The following ATP8B1 variants were observed in gnomAD, a reference collection of about 807,000 sequenced individuals.
ATP8B1 encodes the protein phospholipid-transporting ATPase IC.
Under a neutral mutation model 149.9 loss-of-function variants are expected in ATP8B1, and 80 were observed. The ratio of observed to expected loss-of-function variants is 0.53; its 90% CI spans 0.45 to 0.64. The LOEUF (loss-of-function observed/expected upper bound fraction) is 0.64. Among genes scored for constraint, ATP8B1 ranks in the 30% least tolerant of loss-of-function variants. The probability of loss-of-function intolerance (pLI) is 0.00; values close to 1 mark genes in which losing one functional copy is unlikely to be tolerated. For synonymous variants in ATP8B1, 536 were observed against 562.8 expected, an observed-to-expected ratio of 0.95 and a Z score of 0.67; for missense variants, 1,247 against 1,552.6, an observed-to-expected ratio of 0.80 and a Z score of 3.31.
Position 57,740,310 on chromosome 18 carries a change from C to T in ATP8B1, c.-25-8478G>A, listed in dbSNP as rs78757671. Among the ~76,000 whole-genome samples the T allele has an allele frequency of 9.9e-3, 1,503 of 151,874 alleles. 30 individuals carry two copies. The highest frequency in any genetic ancestry group is 0.034 in the African/African-American group (1,402 of 41,440). On this transcript the variant is annotated intron_variant, in intron 1 of 27. Coordinates refer to ENST00000648908, the MANE Select transcript of ATP8B1 (RefSeq NM_001374385.1). ...AGTTCACAAGAAGAAAGACTATTTC[C>T]GAAATCTGTTTTTCCTCATTTTGTT...
intron 15 of ATP8B1, among the ~76,000 whole-genome samples, chr18:57,683,128 C>T (rs1912064846): frequency 6.6e-6 from 1 of 152,152 alleles, no homozygotes; most frequent in Non-Finnish European, 1.5e-5. Context: ...AAGCGTTGGC[C>T]TACACATTTA....
At chr18:57,761,030 A>C (rs1334524871) in intron 1 of ATP8B1, among the ~76,000 whole-genome samples, 1 of 123,532 alleles carries the variant, frequency 8.1e-6, no homozygotes, top group Admixed American at 7.7e-5. Flanking sequence ...AATAACATAA[A>C]ATAAAATAAA....
In ATP8B1 at chr18:57,648,513, T is replaced by C. The variant is rs1231845375; in HGVS notation, c.3731A>G (p.Glu1244Gly). ...TCAGCTGTCCCCGGTGCGCCTGTAC[T>C]CCGCGGTGCCATCCGCCACGATGGC... ...LDAIVADGTAEYRRTGDS is the reference protein window; with the variant it reads ...LDAIVADGTAGYRRTGDS The change falls in exon 28 of 28, where the codon GAG (glutamate) becomes GGG (glycine). Residue 1244 changes from glutamate (E) to glycine (G), a missense_variant. Around this residue, in one of 3 missense-constraint regions of ATP8B1, gnomAD observed 164 missense variants for 160.3 expected, o/e 1.02. Transcript: ENST00000648908. 1 of 1,611,362 alleles carries C rather than the reference T, an allele frequency of 6.2e-7. No individual in the cohort carries two copies. Among genetic ancestry groups the C allele is most frequent in the Admixed American group, 1.7e-5 (1 of 60,030 alleles).
intron 21 of ATP8B1, 66 bp from the exon 22 acceptor site, chr18:57,661,528 G>T: frequency 6.6e-7 from 1 of 1,521,306 alleles, no homozygotes; most frequent in Non-Finnish European, 9.0e-7. Flanking sequence ...CCATTCCCAA[G>T]ATTTAAATTA....
chr18:57,778,227 TC>T (rs67945846), intron 1 of ATP8B1, among the ~76,000 whole-genome samples: 38,546 of 140,384 alleles, frequency 0.27, 6,108 homozygotes, highest in East Asian at 0.47. Context: ...TTTTTCTTTT[TC>T]TTTTTTTTTT....
chr18:57,699,892 G>A (rs1913034734), intron 6 of ATP8B1, among the ~76,000 whole-genome samples: 1 of 152,102 alleles, frequency 6.6e-6, no homozygotes, highest in African/African-American at 2.4e-5. Flanking sequence ...ACCTACACTG[G>A]TAAAGAGGAG....
At chr18:57,683,894 G>T in intron 15 of ATP8B1, 142 bp downstream of exon 15, 2 of 1,099,476 alleles carry the variant, frequency 1.8e-6, no homozygotes, top group Non-Finnish European at 2.7e-6. Flanking sequence ...ACCATCTAGT[G>T]GTAAGTGCTG....
At chr18:57,787,272 A>G (rs2080418619) in intron 1 of ATP8B1, among the ~76,000 whole-genome samples, 1 of 152,208 alleles carries the variant, frequency 6.6e-6, no homozygotes, top group Admixed American at 6.5e-5. Flanking sequence ...GTGCAATTAA[A>G]GCCACTTTAT....
intron 1 of ATP8B1, among the ~76,000 whole-genome samples, chr18:57,771,382 C>T (rs899678989): frequency 1.2e-4 from 19 of 152,180 alleles, no homozygotes; most frequent in Admixed American, 3.9e-4. Flanking sequence ...CAGCACTGGG[C>T]GTGGTGCATC....
At chr18:57,675,052 A>G (rs778651818) in intron 15 of ATP8B1, 30 bp from the exon 16 acceptor site, 67 of 1,609,884 alleles carry the variant, frequency 4.2e-5, no homozygotes, top group Non-Finnish European at 5.3e-5. Context: ...AATCCCAGAA[A>G]AGCTGTAAAA....
intron 16 of ATP8B1, 21 bp downstream of exon 16, chr18:57,674,813 C>T: frequency 6.2e-7 from 1 of 1,612,916 alleles, no homozygotes; most frequent in South Asian, 1.1e-5. Flanking sequence ...GATTCATAGA[C>T]AGACTCTGAG....
At chr18:57,754,445 A>AATAT (rs10564119) in intron 1 of ATP8B1, among the ~76,000 whole-genome samples, 1 of 135,952 alleles carries the variant, frequency 7.4e-6, no homozygotes, top group Non-Finnish European at 1.6e-5. Context: ...CTAACAAAAA[A>AATAT]ATATATATAT....
chr18:57,737,885 C>CG (rs1357324606), intron 1 of ATP8B1: 1 of 152,378 alleles, frequency 6.6e-6, no homozygotes, highest in Non-Finnish European at 1.5e-5. Flanking sequence ...ACAACCAACT[C>CG]GCCACCCACA....
intron 1 of ATP8B1, among the ~76,000 whole-genome samples, chr18:57,789,739 C>T (rs932728463): frequency 4.6e-5 from 7 of 152,192 alleles, no homozygotes; most frequent in Non-Finnish European, 7.3e-5. Flanking sequence ...CCATAAAGCA[C>T]GGCTTGTGAC....
At chr18:57,698,981 T>C (rs1912974281) in intron 6 of ATP8B1, among the ~76,000 whole-genome samples, 1 of 152,258 alleles carries the variant, frequency 6.6e-6, no homozygotes, top group Admixed American at 6.5e-5. Context: ...TCAAGGATAC[T>C]GTCCTGCCTC....
chr18:57,718,742 G>C (rs772678820), intron 2 of ATP8B1, among the ~76,000 whole-genome samples: 1 of 152,164 alleles, frequency 6.6e-6, no homozygotes, highest in African/African-American at 2.4e-5. Flanking sequence ...AATGTGATAT[G>C]TCATGTCAAC....
chr18:57,798,607 T>C (rs796408838), intron 1 of ATP8B1, among the ~76,000 whole-genome samples: 18 of 151,468 alleles, frequency 1.2e-4, no homozygotes, highest in African/African-American at 3.6e-4. Flanking sequence ...AATAAATAAA[T>C]AAATAAAGTT....
rs1568043839 is a variant in ATP8B1, at chr18:57,732,099, A to ATATATATGTATATATGTATATATGTG, written c.-25-268_-25-267insCACATATATACATATATACATATATA. 8 of 113,566 alleles carry ATATATATGTATATATGTATATATGTG rather than the reference A, an allele frequency of 7.0e-5. 2 individuals are homozygous for ATATATATGTATATATGTATATATGTG. Among genetic ancestry groups the ATATATATGTATATATGTATATATGTG allele is most frequent in the African/African-American group, 3.7e-4 (8 of 21,898 alleles). 7.0% of individuals were successfully genotyped at this position (113,566 alleles called of 1,614,324 possible). On this transcript the variant is annotated intron_variant, in intron 1 of 27. Coordinates refer to ENST00000648908, the MANE Select transcript of ATP8B1 (RefSeq NM_001374385.1). ...AGGGTATATATATATATGTATGTGT[A>ATATATATGTATATATGTATATATGTG]TATATATATGTATATATGTATATAT...
At chr18:57,711,189 C>A (rs143726407) in intron 2 of ATP8B1, among the ~76,000 whole-genome samples, 1 of 152,088 alleles carries the variant, frequency 6.6e-6, no homozygotes, top group African/African-American at 2.4e-5. Context: ...AGGAAATATC[C>A]CCCATGTACC....
Sources: allele counts gnomAD v4.1 joint callset (sites outside exome capture counted in the v4.1 genomes callset), GRCh38; gene constraint gnomAD v4.1.1; regional missense constraint gnomAD v4.1.1; transcripts MANE v1.5; gene names NCBI Gene and HGNC (gene_info 2026-07-23, HGNC 2026-07-21).